The following ZNHIT6 variants were observed in gnomAD, a reference collection of about 807,000 sequenced individuals.
ZNHIT6 encodes the protein box C/D snoRNA protein 1.
Under a neutral mutation model 57.2 loss-of-function variants are expected in ZNHIT6, and 45 were observed. The observed-to-expected ratio is 0.79, with a 90% CI of 0.62 to 1.01. The LOEUF (loss-of-function observed/expected upper bound fraction) is 1.01. Among genes scored for constraint, ZNHIT6 ranks in the 50% least tolerant of loss-of-function variants. The pLI is 0.00. For missense variants in ZNHIT6, 528 were observed against 567.3 expected (o/e 0.93, Z 0.70); for synonymous variants, 188 against 190.0 (o/e 0.99, Z 0.09).
rs1446305971 is a variant in ZNHIT6 at position 85,653,108 on chromosome 1, G to A, written c.*950C>T. Reference sequence around the variant, plus strand: ...GATGAGAGTGGGCTAGGAATGTGATGAAAGGCACAGAATTCATAAGACTTG... The same window carrying A: ...GATGAGAGTGGGCTAGGAATGTGATAAAAGGCACAGAATTCATAAGACTTG... On this transcript the variant is annotated 3_prime_UTR_variant, in exon 10 of 10. Coordinates refer to ENST00000370574, the MANE Select transcript of ZNHIT6 (RefSeq NM_017953.4). 6.6e-6 allele frequency: 1 copy of A among 152,126 alleles called. No individual in the cohort carries two copies. Among genetic ancestry groups the A allele is most frequent in the Admixed American group, 6.5e-5 (1 of 15,272 alleles). 9.4% of individuals were successfully genotyped at this position (152,126 alleles called of 1,614,324 possible).
At chr1:85,657,707 C>T (rs1444574190) in intron 9 of ZNHIT6, 140 bp downstream of exon 9, 2 of 758,460 alleles carry the variant, frequency 2.6e-6, no homozygotes, top group Admixed American at 3.1e-5. Flanking sequence ...CCTGGTTCTT[C>T]ACATTAACTA....
intron 5 of ZNHIT6, among the ~76,000 whole-genome samples, chr1:85,681,729 CTA>C (rs1661878374): frequency 6.6e-6 from 1 of 152,060 alleles, no homozygotes; most frequent in Admixed American, 6.5e-5. Flanking sequence ...CACCAAACAT[CTA>C]TATGATTTAG....
intron 8 of ZNHIT6, among the ~76,000 whole-genome samples, chr1:85,675,954 G>C (rs922783253): frequency 3.9e-5 from 6 of 152,160 alleles, no homozygotes; most frequent in African/African-American, 1.2e-4. Context: ...TTAGGGCCTA[G>C]CTCTGGATTA....
chr1:85,668,539 T>G (rs1422334654), intron 8 of ZNHIT6, among the ~76,000 whole-genome samples: 1 of 152,240 alleles, frequency 6.6e-6, no homozygotes, highest in Non-Finnish European at 1.5e-5. Context: ...ATACTGTTCT[T>G]AGAAATTCTG....
At chr1:85,686,803 A>G (rs940126904) in intron 5 of ZNHIT6, among the ~76,000 whole-genome samples, 2 of 152,304 alleles carry the variant, frequency 1.3e-5, no homozygotes, top group African/African-American at 4.8e-5. Flanking sequence ...TATAAGGTCC[A>G]GAGGTAGGAT....
chr1:85,702,671 T>C (rs1325638780), intron 4 of ZNHIT6, among the ~76,000 whole-genome samples: 1 of 152,038 alleles, frequency 6.6e-6, no homozygotes. Context: ...TTTTACCAGT[T>C]AGCTGTATAT....
intron 5 of ZNHIT6, among the ~76,000 whole-genome samples, chr1:85,692,415 A>C: frequency 6.6e-6 from 1 of 152,322 alleles, no homozygotes; most frequent in South Asian, 2.1e-4. Flanking sequence ...TAGAGGCCCA[A>C]TTGGGGAACC....
chr1:85,663,152 A>G (rs779924190), intron 8 of ZNHIT6, among the ~76,000 whole-genome samples: 29 of 152,204 alleles, frequency 1.9e-4, no homozygotes, highest in Non-Finnish European at 1.5e-4. Context: ...GGACTATAAC[A>G]GGTGAAAATG....
At chr1:85,656,886 T>C (rs375509942) in intron 9 of ZNHIT6, among the ~76,000 whole-genome samples, 10 of 152,102 alleles carry the variant, frequency 6.6e-5, no homozygotes, top group Non-Finnish European at 1.5e-4. Flanking sequence ...CCTTACAATA[T>C]AGGTTACTGC....
In ZNHIT6 at chr1:85,658,688, A is replaced by G. The variant is rs1661135591; in HGVS notation, c.1248-717T>C. Among the ~76,000 whole-genome samples the G allele has an allele frequency of 2.0e-5, 3 of 152,096 alleles. No homozygotes were observed. In the South Asian group the frequency reaches 6.2e-4, roughly 32 times the overall value. On this transcript the variant is annotated intron_variant, in intron 8 of 9. Coordinates refer to ENST00000370574, the MANE Select transcript of ZNHIT6 (RefSeq NM_017953.4). ...GGAGTTTGAGACCAGCGTGACCAACATGGAGAATCCCCATCTCTACTAAAA... is the reference window on the plus strand; with the variant it reads ...GGAGTTTGAGACCAGCGTGACCAACGTGGAGAATCCCCATCTCTACTAAAA...
At chr1:85,693,276 T>C (rs1662268160) in intron 5 of ZNHIT6, among the ~76,000 whole-genome samples, 1 of 152,078 alleles carries the variant, frequency 6.6e-6, no homozygotes, top group African/African-American at 2.4e-5. Context: ...CTTCAGATAC[T>C]GGGATTATTT....
At chr1:85,667,961 A>AAAAAAAATGTATATATATATATAT in intron 8 of ZNHIT6, among the ~76,000 whole-genome samples, 2 of 18,202 alleles carry the variant, frequency 1.1e-4, no homozygotes, top group African/African-American at 4.2e-4. Context: ...AAAAAAAAAA[A>AAAAAAAATGTATATATATATATAT]ATATATATAT....
chr1:85,698,981 AT>A (rs1476085377), intron 5 of ZNHIT6, among the ~76,000 whole-genome samples: 2 of 152,146 alleles, frequency 1.3e-5, no homozygotes, highest in Non-Finnish European at 2.9e-5. Flanking sequence ...TTAAAATTTC[AT>A]TTAATCCTCT....
At chr1:85,666,421 C>G (rs1405239780) in intron 8 of ZNHIT6, among the ~76,000 whole-genome samples, 1 of 152,028 alleles carries the variant, frequency 6.6e-6, no homozygotes, top group African/African-American at 2.4e-5. Flanking sequence ...CACATAATTT[C>G]CTTAACCAAG....
At chr1:85,704,623 T>A (rs1441585989) in intron 4 of ZNHIT6, among the ~76,000 whole-genome samples, 1 of 152,130 alleles carries the variant, frequency 6.6e-6, no homozygotes, top group African/African-American at 2.4e-5. Flanking sequence ...TAAAAAAAAA[T>A]TGTAAAGTAA....
At chr1:85,664,935 G>A (rs145464089) in intron 8 of ZNHIT6, among the ~76,000 whole-genome samples, 9 of 152,174 alleles carry the variant, frequency 5.9e-5, no homozygotes, top group South Asian at 2.1e-4. Flanking sequence ...GGGTTCAAGC[G>A]ATTCTCCTGC....
Position 85,653,534 on chromosome 1 carries a change from G to C in ZNHIT6, c.*524C>G, listed in dbSNP as rs1178272148. 1 of 152,108 alleles carries C rather than the reference G, an allele frequency of 6.6e-6. No homozygotes were observed. Among genetic ancestry groups the C allele is most frequent in the Non-Finnish European group, 1.5e-5 (1 of 68,076 alleles). The allele number at this position is 152,108 out of a possible 1,614,324, so 9.4% of individuals were successfully genotyped here. On this transcript the variant is annotated 3_prime_UTR_variant, in exon 10 of 10. Transcript: ENST00000370574. ...GTAATCCCAATGCTTTGGAGTCTGA[G>C]GTGGAAGGATTGCTTGAGGCCACAA... is the stretch of plus-strand genomic sequence containing the variant.
chr1:85,680,337 A>G (rs547835855), intron 6 of ZNHIT6, among the ~76,000 whole-genome samples: 26 of 152,252 alleles, frequency 1.7e-4, no homozygotes, highest in Non-Finnish European at 3.2e-4. Context: ...TCTGAGTGAT[A>G]CACTATAATG....
intron 8 of ZNHIT6, among the ~76,000 whole-genome samples, chr1:85,672,303 T>G (rs1661578452): frequency 6.6e-6 from 1 of 152,138 alleles, no homozygotes; most frequent in South Asian, 2.1e-4. Context: ...TTTGCTAGAT[T>G]TTTACAGTTT....
Sources: gnomAD v4.1 joint callset for allele counts (sites outside exome capture counted in the v4.1 genomes callset) on GRCh38, gnomAD v4.1.1 for gene constraint, MANE v1.5 for transcripts, NCBI Gene and HGNC (gene_info 2026-07-23, HGNC 2026-07-21) for gene names.